The following CYP19A1 variants were observed in gnomAD, a reference collection of about 807,000 sequenced individuals.
The protein encoded by CYP19A1 is aromatase.
CYP19A1 carries 32 observed loss-of-function variants against 44.4 expected under a neutral mutation model. The observed-to-expected ratio is 0.72, with a 90% CI of 0.54 to 0.97. CYP19A1 has a LOEUF of 0.97. Ranked by LOEUF, CYP19A1 falls within the 50% of genes least tolerant of loss-of-function variation. The pLI is 0.00. For missense variants in CYP19A1, 598 were observed against 637.8 expected (o/e 0.94, Z 0.67); for synonymous variants, 212 against 215.6 (o/e 0.98, Z 0.14).
intron 1 of CYP19A1, among the ~76,000 whole-genome samples, chr15:51,290,574 G>A (rs564231163): frequency 6.6e-6 from 1 of 152,314 alleles, no homozygotes; most frequent in South Asian, 2.1e-4. Flanking sequence ...GCTTTCAGAG[G>A]ACCTGGCACT....
At chr15:51,255,778 G>A (rs1454029761) in intron 1 of CYP19A1, 1 of 152,206 alleles carries the variant, frequency 6.6e-6, no homozygotes, top group African/African-American at 2.4e-5. Flanking sequence ...TATGATTTAA[G>A]TAATGAGATT....
intron 1 of CYP19A1, among the ~76,000 whole-genome samples, chr15:51,299,136 T>C (rs1435028358): frequency 6.6e-6 from 1 of 152,254 alleles, no homozygotes; most frequent in Non-Finnish European, 1.5e-5. Context: ...CTTTCCATTG[T>C]TGATGGGCAT....
At chr15:51,222,089 A>G (rs369755105) in intron 5 of CYP19A1, 41 of 613,564 alleles carry the variant, frequency 6.7e-5, no homozygotes, top group African/African-American at 2.0e-4. Flanking sequence ...TTAAGTTTCA[A>G]CTGTGGGTAG....
intron 1 of CYP19A1, among the ~76,000 whole-genome samples, chr15:51,302,027 C>G (rs1230736822): frequency 6.6e-6 from 1 of 152,152 alleles, no homozygotes; most frequent in Admixed American, 6.5e-5. Flanking sequence ...GTGTAGGCTT[C>G]TTAATCTCCC....
chr15:51,213,784 G>C (rs1290268719), intron 8 of CYP19A1, among the ~76,000 whole-genome samples: 4 of 152,090 alleles, frequency 2.6e-5, no homozygotes, highest in Non-Finnish European at 5.9e-5. Context: ...CCCTCCTTCG[G>C]TCTCTCTTTA....
intron 1 of CYP19A1, among the ~76,000 whole-genome samples, chr15:51,248,520 C>A (rs2034165734): frequency 6.6e-6 from 1 of 152,170 alleles, no homozygotes; most frequent in Non-Finnish European, 1.5e-5. Context: ...TTTTATTATT[C>A]TGAGTGGATG....
intron 3 of CYP19A1, among the ~76,000 whole-genome samples, chr15:51,235,670 T>A (rs2033346265): frequency 6.6e-6 from 1 of 152,250 alleles, no homozygotes; most frequent in Non-Finnish European, 1.5e-5. Flanking sequence ...TCTTTCAATA[T>A]CTGCTTCAAA....
chr15:51,316,000 C>T (rs895355830), intron 1 of CYP19A1: 4 of 152,192 alleles, frequency 2.6e-5, no homozygotes, highest in African/African-American at 9.7e-5. Flanking sequence ...GAATGGGCTG[C>T]TCATCAAGGA....
intron 1 of CYP19A1, among the ~76,000 whole-genome samples, chr15:51,334,615 C>A (rs941843310): frequency 6.6e-6 from 1 of 152,208 alleles, no homozygotes; most frequent in Non-Finnish European, 1.5e-5. Context: ...TGAAAACAAT[C>A]ACTTTTTCAT....
intron 1 of CYP19A1, among the ~76,000 whole-genome samples, chr15:51,317,226 C>T (rs1390685624): frequency 6.6e-6 from 1 of 151,990 alleles, no homozygotes; most frequent in Non-Finnish European, 1.5e-5. Context: ...CTCAGCCTCC[C>T]GAGTAGCTGG....
intron 1 of CYP19A1, among the ~76,000 whole-genome samples, chr15:51,254,797 T>C (rs1342145313): frequency 1.3e-5 from 2 of 152,312 alleles, no homozygotes; most frequent in South Asian, 4.1e-4. Flanking sequence ...CAATATATAC[T>C]TGAATATATT....
chr15:51,266,401 C>T (rs566674637), intron 1 of CYP19A1, among the ~76,000 whole-genome samples: 38 of 152,290 alleles, frequency 2.5e-4, no homozygotes, highest in African/African-American at 9.1e-4. Flanking sequence ...CCTAAAGATG[C>T]GATTGCTTCG....
Position 51,215,164 on chromosome 15 carries a change from G to A in CYP19A1, c.927C>T (p.Asp309=). 6.2e-7 allele frequency: 1 copy of A among 1,614,124 alleles called. No individual in the cohort carries two copies. The highest frequency in any genetic ancestry group is 8.5e-7 in the Non-Finnish European group (1 of 1,180,002). ...TGAAGAACAAAGAGACAGACATGGT[G>A]TCAGGAGCTGCGATCAGCATTTCCA... The part of the protein sequence containing the change: ...CILEMLIAAP[D]TMSVSLFFML... The change falls in exon 8 of 10, where the codon GAC becomes GAT. Residue 309 remains aspartate, a synonymous_variant. Coordinates refer to ENST00000396402, the MANE Select transcript of CYP19A1 (RefSeq NM_000103.4).
At chr15:51,287,760 G>T (rs910766834) in intron 1 of CYP19A1, among the ~76,000 whole-genome samples, 5 of 152,128 alleles carry the variant, frequency 3.3e-5, no homozygotes, top group Non-Finnish European at 7.3e-5. Context: ...CTATAAAATG[G>T]AACAGAAGTA....
intron 1 of CYP19A1, among the ~76,000 whole-genome samples, chr15:51,319,615 G>A (rs573883315): frequency 2.0e-5 from 3 of 152,328 alleles, no homozygotes; most frequent in Middle Eastern, 3.4e-3. Context: ...CTGAAGGCTT[G>A]TTTCTTCATT....
At chr15:51,316,978 G>T (rs1419087866) in intron 1 of CYP19A1, among the ~76,000 whole-genome samples, 1 of 152,192 alleles carries the variant, frequency 6.6e-6, no homozygotes, top group Non-Finnish European at 1.5e-5. Context: ...GGACTATGAG[G>T]TAGGGTGCCA....
Position 51,280,389 on chromosome 15 carries a change from C to T in CYP19A1, c.-38-37439G>A, listed in dbSNP as rs574983868. Among the ~76,000 whole-genome samples the T allele has an allele frequency of 1.8e-3, 280 of 152,284 alleles. 1 individual carries two copies. Among genetic ancestry groups the T allele is most frequent in the Admixed American group, 4.3e-3 (66 of 15,300 alleles). ...CTGGGATTACAGGTGTGAGCCACCACGCCCAGCCAAAGCCTGCCCTTCTTC... is the reference window on the plus strand; with the variant it reads ...CTGGGATTACAGGTGTGAGCCACCATGCCCAGCCAAAGCCTGCCCTTCTTC... On this transcript the variant is annotated intron_variant, in intron 1 of 9. Transcript: ENST00000396402.
At chr15:51,218,498 A>T (rs777792298) in intron 6 of CYP19A1, 43 bp downstream of exon 6, 1 of 1,580,154 alleles carries the variant, frequency 6.3e-7, no homozygotes, top group South Asian at 1.2e-5. Flanking sequence ...GAAAAAAACC[A>T]ATCCAATTGT....
intron 5 of CYP19A1, among the ~76,000 whole-genome samples, chr15:51,221,094 G>T (rs2032035852): frequency 6.6e-6 from 1 of 151,872 alleles, no homozygotes; most frequent in South Asian, 2.1e-4. Context: ...TAAGAATCCT[G>T]TTTAATAATA....
Sources: allele counts gnomAD v4.1 joint callset (sites outside exome capture counted in the v4.1 genomes callset), GRCh38; gene constraint gnomAD v4.1.1; transcripts MANE v1.5; gene names NCBI Gene and HGNC (gene_info 2026-07-23, HGNC 2026-07-21).